PGBD5: variants seen among roughly 807,000 people sequenced by gnomAD.
PGBD5 encodes piggyBac transposable element derived 5, also known as piggyBac transposable element-derived protein 5.
In PGBD5, 14 loss-of-function variants were observed where a neutral mutation model predicts 47.9. The ratio of observed to expected loss-of-function variants is 0.29; its 90% CI spans 0.19 to 0.46. The LOEUF (loss-of-function observed/expected upper bound fraction) is 0.46. Among genes scored for constraint, PGBD5 ranks in the 20% least tolerant of loss-of-function variants. The pLI, the probability that PGBD5 is intolerant of heterozygous loss-of-function variation, is 1.00. For missense variants in PGBD5, 635 were observed against 716.0 expected (o/e 0.89, Z 1.29); for synonymous variants, 316 against 306.3 (o/e 1.03, Z -0.33).
intron 1 of PGBD5, among the ~76,000 whole-genome samples, chr1:230,365,130 G>A (rs973874286): frequency 6.6e-5 from 10 of 150,694 alleles, no homozygotes; most frequent in East Asian, 3.9e-4. Context: ...TGGCTAACAC[G>A]GTGAAACCCC....
intron 1 of PGBD5, chr1:230,377,621 T>C (rs1668034521): frequency 2.6e-6 from 4 of 1,524,312 alleles, no homozygotes; most frequent in South Asian, 2.5e-5. Context: ...TAGTCAGGCA[T>C]ATCTGACCTA....
At chr1:230,393,513 C>G (rs893605599) in intron 1 of PGBD5, among the ~76,000 whole-genome samples, 3 of 152,124 alleles carry the variant, frequency 2.0e-5, no homozygotes, top group Non-Finnish European at 4.4e-5. Context: ...ATCTTAGCGC[C>G]TGCTTTAAGA....
chr1:230,345,114 T>C (rs1667457089), intron 3 of PGBD5, among the ~76,000 whole-genome samples: 1 of 152,240 alleles, frequency 6.6e-6, no homozygotes, highest in Admixed American at 6.5e-5. Flanking sequence ...AAAAAATTAG[T>C]GGACCTTTTT....
rs567581489 is a variant in PGBD5 at position 230,319,976 on chromosome 1, G to C, written c.*3449C>G. 6.7e-6 allele frequency: 1 copy of C among 149,048 alleles called. No homozygotes were observed. Among genetic ancestry groups the C allele is most frequent in the South Asian group, 2.1e-4 (1 of 4,750 alleles). The allele number at this position is 149,048 out of a possible 1,614,324, so 9.2% of individuals were successfully genotyped here. A position where few individuals can be genotyped will look rare whatever the true frequency, so the allele number is the denominator to read the frequency against. ...CTTCCCGGATTCAAGATATTCTCCT[G>C]CTTAGCCTCCCGAGTAGCTGGGACT... On this transcript the variant is annotated 3_prime_UTR_variant, in exon 7 of 7. Transcript: ENST00000391860.
intron 1 of PGBD5, among the ~76,000 whole-genome samples, chr1:230,372,879 C>G (rs773415332): frequency 6.6e-6 from 1 of 152,184 alleles, no homozygotes; most frequent in Non-Finnish European, 1.5e-5. Flanking sequence ...CCCACCTCCT[C>G]CCCTGGCCCA....
Position 230,316,183 on chromosome 1 carries a change from C to CATATATGT in PGBD5, c.*7241_*7242insACATATAT, listed in dbSNP as rs1572188882. ...GTATGTGTATACATACATACGTACA[C>CATATATGT]ATGTGCATGTGTATACATACATATG... On this transcript the variant is annotated 3_prime_UTR_variant, in exon 7 of 7. Coordinates refer to ENST00000391860, the MANE Select transcript of PGBD5 (RefSeq NM_001258311.2). The CATATATGT allele has an allele frequency of 2.4e-5, 1 of 42,366 alleles. No homozygotes were observed. The highest frequency in any genetic ancestry group is 6.6e-5 in the African/African-American group (1 of 15,104). The allele number at this position is 42,366 out of a possible 1,614,324, so 2.6% of individuals were successfully genotyped here.
intron 1 of PGBD5, among the ~76,000 whole-genome samples, chr1:230,362,101 T>C (rs1667753446): frequency 6.6e-6 from 1 of 152,240 alleles, no homozygotes; most frequent in African/African-American, 2.4e-5. Flanking sequence ...GGGCTCACAC[T>C]TGCCCAAGGG....
At chr1:230,325,125 C>G (rs1300677118) in intron 6 of PGBD5, among the ~76,000 whole-genome samples, 185 bp downstream of exon 6, 3 of 152,184 alleles carry the variant, frequency 2.0e-5, no homozygotes, top group East Asian at 1.9e-4. Context: ...CAGAGGACTT[C>G]TAGGTAAAGC....
chr1:230,406,311 CAAAAAAAAAA>C (rs67577027), intron 1 of PGBD5, among the ~76,000 whole-genome samples: 2 of 54,664 alleles, frequency 3.7e-5, no homozygotes, highest in Non-Finnish European at 7.0e-5. Flanking sequence ...GACTCCGTCT[CAAAAAAAAAA>C]AAAAAAAAAA....
intron 1 of PGBD5, among the ~76,000 whole-genome samples, chr1:230,375,149 G>C (rs908537979): frequency 6.6e-6 from 1 of 152,190 alleles, no homozygotes; most frequent in African/African-American, 2.4e-5. Context: ...AAGCAGTACA[G>C]ATCTCTAACG....
At chr1:230,414,616 C>G (rs1657478730) in intron 1 of PGBD5, among the ~76,000 whole-genome samples, 1 of 152,188 alleles carries the variant, frequency 6.6e-6, no homozygotes, top group African/African-American at 2.4e-5. Context: ...CACTGGCACT[C>G]TGAATGCACA....
chr1:230,402,859 T>C (rs932521124), intron 1 of PGBD5, among the ~76,000 whole-genome samples: 6 of 152,356 alleles, frequency 3.9e-5, no homozygotes, highest in African/African-American at 1.4e-4. Context: ...CTGCCAATGA[T>C]ATGGTAGCTT....
chr1:230,365,420 C>T (rs1224480656), intron 1 of PGBD5, among the ~76,000 whole-genome samples: 1 of 152,086 alleles, frequency 6.6e-6, no homozygotes, highest in Admixed American at 6.6e-5. Context: ...GGTGACAATG[C>T]CCCCAAAGCC....
chr1:230,392,192 T>A (rs562377001), intron 1 of PGBD5, among the ~76,000 whole-genome samples: 3 of 152,340 alleles, frequency 2.0e-5, no homozygotes, highest in African/African-American at 7.2e-5. Flanking sequence ...CAGTGCTTCC[T>A]GGCCACATCC....
Position 230,317,576 on chromosome 1 carries a change from G to A in PGBD5, c.*5849C>T, listed in dbSNP as rs1363785705. 1.3e-5 allele frequency: 2 copies of A among 152,124 alleles called. No individual in the cohort carries two copies. The highest frequency in any genetic ancestry group is 2.9e-5 in the Non-Finnish European group (2 of 68,028). The allele number at this position is 152,124 out of a possible 1,614,324, so 9.4% of individuals were successfully genotyped here. ...ACCAAGAACAGAGGTGCGCTGCCGGGGGCTGACCCTTGGGGAGGGGAGGGC... is the reference window on the plus strand; with the variant it reads ...ACCAAGAACAGAGGTGCGCTGCCGGAGGCTGACCCTTGGGGAGGGGAGGGC... On this transcript the variant is annotated 3_prime_UTR_variant, in exon 7 of 7. Transcript: ENST00000391860.
chr1:230,384,031 GCA>G (rs2102727862), intron 1 of PGBD5, among the ~76,000 whole-genome samples: 1 of 152,292 alleles, frequency 6.6e-6, no homozygotes, highest in East Asian at 1.9e-4. Context: ...GTCCGTCCAA[GCA>G]CAGTTGAAAA....
chr1:230,416,483 A>C (rs370376549), intron 1 of PGBD5, among the ~76,000 whole-genome samples: 4 of 152,356 alleles, frequency 2.6e-5, no homozygotes, highest in Non-Finnish European at 4.4e-5. Context: ...GTCTCCACAC[A>C]TGATAAATAA....
At chr1:230,343,791 A>T (rs1260097469) in intron 3 of PGBD5, among the ~76,000 whole-genome samples, 1 of 152,266 alleles carries the variant, frequency 6.6e-6, no homozygotes, top group Non-Finnish European at 1.5e-5. Flanking sequence ...GACTGAGTCA[A>T]ATAAGGAAAA....
At chr1:230,347,476 CTTTTTTT>C (rs71733326) in intron 3 of PGBD5, among the ~76,000 whole-genome samples, 3 of 113,452 alleles carry the variant, frequency 2.6e-5, no homozygotes, top group Non-Finnish European at 3.6e-5. Flanking sequence ...ATTTTCTTTT[CTTTTTTT>C]TTTTTTTTTT....
Sources: allele counts gnomAD v4.1 joint callset (sites outside exome capture counted in the v4.1 genomes callset), GRCh38; gene constraint gnomAD v4.1.1; transcripts MANE v1.5; gene names NCBI Gene and HGNC (gene_info 2026-07-23, HGNC 2026-07-21).